Variants in GLB1L2 observed in about 807,000 individuals in gnomAD.
GLB1L2 encodes the protein beta-galactosidase-1-like protein 2.
A neutral mutation model predicts 84.1 loss-of-function variants in GLB1L2; 68 were observed. That is an observed-to-expected ratio of 0.81 (90% CI 0.67 to 0.99). The LOEUF is 0.99. GLB1L2 is among the 50% of genes least tolerant of loss of function. The probability of loss-of-function intolerance (pLI) is 0.00; values close to 1 mark genes in which losing one functional copy is unlikely to be tolerated. For synonymous variants in GLB1L2, 290 were observed against 318.0 expected (o/e 0.91, Z 0.94); for missense variants, 762 against 805.6 (o/e 0.95, Z 0.66).
intron 7 of GLB1L2, 107 bp from the exon 8 acceptor site, chr11:134,364,221 C>A: frequency 1.2e-6 from 1 of 834,092 alleles, no homozygotes. Context: ...GGTGTCAGGG[C>A]CGCTTACTTT....
At chr11:134,350,255 T>G (rs1317164212) in intron 5 of GLB1L2, among the ~76,000 whole-genome samples, 4 of 152,180 alleles carry the variant, frequency 2.6e-5, no homozygotes, top group African/African-American at 9.7e-5. Context: ...CCAGAGCACT[T>G]CAGCCCATGG....
At chr11:134,340,443 C>T (rs907635715) in intron 1 of GLB1L2, among the ~76,000 whole-genome samples, 6 of 152,134 alleles carry the variant, frequency 3.9e-5, no homozygotes, top group Non-Finnish European at 5.9e-5. Context: ...ACCTGTGTTG[C>T]GGCGGGCAGG....
intron 2 of GLB1L2, 97 bp from the exon 3 acceptor site, chr11:134,344,290 A>T: frequency 7.2e-7 from 1 of 1,382,694 alleles, no homozygotes; most frequent in Non-Finnish European, 1.0e-6. Flanking sequence ...ACATATCTTT[A>T]GCCATCATAT....
At chr11:134,332,661 C>T (rs1454769137) in intron 1 of GLB1L2, among the ~76,000 whole-genome samples, 2 of 152,178 alleles carry the variant, frequency 1.3e-5, no homozygotes, top group African/African-American at 4.8e-5. Context: ...GTCCGTGGGC[C>T]TCCAAGATCC....
At chr11:134,344,661 C>G (rs1481584143) in intron 3 of GLB1L2, among the ~76,000 whole-genome samples, 1 of 152,290 alleles carries the variant, frequency 6.6e-6, no homozygotes, top group African/African-American at 2.4e-5. Flanking sequence ...CCTCCGGGCC[C>G]CACCTCTCCA....
rs945582586 is a variant in GLB1L2, at chr11:134,339,013, A to G, written c.87-3741A>G. ...CTTTGGATAAATGAAGCCGAGATAC[A>G]TAGGCAACAGGAATCCTAGCAGAAA... is the stretch of plus-strand genomic sequence containing the variant. On this transcript the variant is annotated intron_variant, in intron 1 of 18. Coordinates refer to ENST00000535456, the MANE Select transcript of GLB1L2 (RefSeq NM_001370461.1). This position sits in a 1 kb window ranked among gnomAD's most constrained non-coding sequence, Gnocchi z 5.7. Among the ~76,000 whole-genome samples the G allele has an allele frequency of 6.6e-6, 1 of 152,182 alleles. No homozygotes were observed. Among genetic ancestry groups the G allele is most frequent in the Non-Finnish European group, 1.5e-5 (1 of 68,030 alleles).
chr11:134,374,400 C>A, intron 17 of GLB1L2, 144 bp downstream of exon 17: 1 of 795,826 alleles, frequency 1.3e-6, no homozygotes, highest in Non-Finnish European at 2.1e-6. Context: ...CCTCCCTGGG[C>A]CAGAGGAGTG....
At chr11:134,337,935 T>G (rs1300504931) in intron 1 of GLB1L2, among the ~76,000 whole-genome samples, 1 of 152,192 alleles carries the variant, frequency 6.6e-6, no homozygotes, top group Non-Finnish European at 1.5e-5. Context: ...GATGAACAAG[T>G]ATGTGAACAC....
chr11:134,374,082 C>T, intron 16 of GLB1L2, 63 bp from the exon 17 acceptor site: 2 of 1,276,702 alleles, frequency 1.6e-6, no homozygotes, highest in African/African-American at 1.5e-5. Flanking sequence ...TTTTATTTTG[C>T]TTTATTGTGC....
intron 1 of GLB1L2, among the ~76,000 whole-genome samples, chr11:134,341,116 A>G (rs1217468069): frequency 6.6e-6 from 1 of 152,254 alleles, no homozygotes; most frequent in Non-Finnish European, 1.5e-5. Context: ...CATTAGGGAC[A>G]TAAAACCCAC....
In GLB1L2 at chr11:134,334,967, G is replaced by A. The variant is rs2136253523; in HGVS notation, c.86+2820G>A. Reference sequence around the variant, plus strand: ...TTCCTTAATATAAATGAATCACCGAGCAAGAATACAGGCAACGCTGCATCT... The same window carrying A: ...TTCCTTAATATAAATGAATCACCGAACAAGAATACAGGCAACGCTGCATCT... On this transcript the variant is annotated intron_variant, in intron 1 of 18. Coordinates refer to ENST00000535456, the MANE Select transcript of GLB1L2 (RefSeq NM_001370461.1). The surrounding 1 kb of genome is among the most constrained non-coding windows in gnomAD (Gnocchi z 4.1). Among the ~76,000 whole-genome samples the A allele has an allele frequency of 6.6e-6, 1 of 152,196 alleles. No homozygotes were observed. Among genetic ancestry groups the A allele is most frequent in the South Asian group, 2.1e-4 (1 of 4,814 alleles).
chr11:134,347,645 T>C (rs1378498533), intron 5 of GLB1L2, among the ~76,000 whole-genome samples: 2 of 152,200 alleles, frequency 1.3e-5, no homozygotes, highest in Non-Finnish European at 2.9e-5. Flanking sequence ...GGTGCGTTAC[T>C]GAAAGGACAG....
At chr11:134,361,929 T>A (rs7932366) in intron 7 of GLB1L2, among the ~76,000 whole-genome samples, 5,453 of 152,264 alleles carry the variant, frequency 0.036, 156 homozygotes, top group Non-Finnish European at 0.052. Context: ...CCCGGCCAAG[T>A]TCCTCAGGGA....
chr11:134,344,153 C>G (rs372706456), intron 2 of GLB1L2, among the ~76,000 whole-genome samples: 2 of 152,208 alleles, frequency 1.3e-5, no homozygotes, highest in Admixed American at 6.5e-5. Flanking sequence ...AGCGCCTGAC[C>G]TTTTACTCAG....
At chr11:134,348,058 AAATC>A (rs1181479028) in intron 5 of GLB1L2, among the ~76,000 whole-genome samples, 2 of 152,200 alleles carry the variant, frequency 1.3e-5, no homozygotes, top group Non-Finnish European at 2.9e-5. Context: ...GGAATGGGAA[AAATC>A]AACCCAGTTG....
chr11:134,354,460 A>G (rs1169621157), intron 5 of GLB1L2, among the ~76,000 whole-genome samples: 1 of 152,006 alleles, frequency 6.6e-6, no homozygotes, highest in Non-Finnish European at 1.5e-5. Flanking sequence ...TTATGTGTCT[A>G]TCTTTGCTGG....
rs998049177 is a variant in GLB1L2, at chr11:134,370,484, G to A, written c.1215+85G>A. The stretch of plus-strand genomic sequence containing the variant: ...GAGGTGAGTGCTGGGGGCAGTCGTC[G>A]GCGGGAGGTGAGAGTCGTCGGGGCA... On this transcript the variant is annotated intron_variant, in intron 12 of 18. Coordinates refer to ENST00000535456, the MANE Select transcript of GLB1L2 (RefSeq NM_001370461.1). This position sits in a 1 kb window ranked among gnomAD's most constrained non-coding sequence, Gnocchi z 4.7. The A allele has an allele frequency of 2.0e-5, 21 of 1,075,802 alleles. No individual in the cohort carries two copies. The highest frequency in any genetic ancestry group is 9.3e-5 in the African/African-American group (6 of 64,520). The allele number at this position is 1,075,802 out of a possible 1,614,324, so 66.6% of individuals were successfully genotyped here.
rs951868896 is a variant in GLB1L2, at chr11:134,359,115, G to C, written c.707G>C (p.Gly236Ala). The change falls in exon 7 of 19, where the codon GGG becomes GCG. Residue 236 changes from glycine to alanine, a missense_variant. Physicochemically the swap from Gly to Ala is moderately conservative, Grantham distance 60. This residue lies in a region of GLB1L2 where 603 missense variants were observed against 611.7 expected (regional missense o/e 0.99). Transcript: ENST00000535456. Reference protein sequence around the residue: ...ELLLTSDNKDGLSKGIVQGVL... With the variant: ...ELLLTSDNKDALSKGIVQGVL... ...CTCCTGACTTCAGACAACAAGGATG[G>C]GCTGAGCAAGGGGATTGTCCAGGGA... 5 of 1,604,492 alleles carry C rather than the reference G, an allele frequency of 3.1e-6. No individual in the cohort carries two copies. In the African/African-American group the frequency reaches 6.7e-5, roughly 22 times the overall value.
chr11:134,373,805 A>C lies in GLB1L2; in HGVS notation c.1592A>C (p.Gln531Pro), dbSNP rs1565443930. ...CTGGATATGAAGAAGAGCTTCTTTC[A>C]GAGGTGGGTCCCTGCCCAGCACCAG... ...YSLDMKKSFF[Q>P]RFGLDKWSSL... The change falls in exon 16 of 19, where the codon CAG becomes CCG. Residue 531 changes from glutamine (Q) to proline (P), a missense_variant. This residue lies in a region of GLB1L2 where 603 missense variants were observed against 611.7 expected (regional missense o/e 0.99). Transcript: ENST00000535456. The C allele has an allele frequency of 6.2e-7, 1 of 1,602,810 alleles. No homozygotes were observed. Among genetic ancestry groups the C allele is most frequent in the Non-Finnish European group, 8.5e-7 (1 of 1,170,038 alleles).
Sources: allele counts gnomAD v4.1 joint callset (sites outside exome capture counted in the v4.1 genomes callset), GRCh38; gene constraint gnomAD v4.1.1; regional missense constraint gnomAD v4.1.1; non-coding constraint Gnocchi (gnomAD v3.1); transcripts MANE v1.5; gene names NCBI Gene and HGNC (gene_info 2026-07-23, HGNC 2026-07-21).